The following PTPRN2 variants were observed in gnomAD, a reference collection of about 807,000 sequenced individuals.
PTPRN2 encodes receptor-type tyrosine-protein phosphatase N2.
A neutral mutation model predicts 118.8 loss-of-function variants in PTPRN2; 74 were observed. The observed-to-expected ratio is 0.62, with a 90% confidence interval of 0.52 to 0.76. The LOEUF is 0.76. PTPRN2 is among the 30% of genes least tolerant of loss of function. The probability of loss-of-function intolerance (pLI) is 0.00; values close to 1 mark genes in which losing one functional copy is unlikely to be tolerated. For synonymous variants in PTPRN2, 641 were observed against 608.0 expected, an observed-to-expected ratio of 1.05 and a Z score of -0.80; for missense variants, 1,481 against 1,394.4, an observed-to-expected ratio of 1.06 and a Z score of -0.99.
chr7:157,779,327 G>T lies in PTPRN2; in HGVS notation c.1789-96390C>A, dbSNP rs1015475913. Among the ~76,000 whole-genome samples, 1 of 152,192 alleles carries T rather than the reference G, an allele frequency of 6.6e-6. No individual in the cohort carries two copies. The highest frequency in any genetic ancestry group is 1.5e-5 in the Non-Finnish European group (1 of 68,024). On this transcript the variant is annotated intron_variant, in intron 12 of 22. Coordinates refer to ENST00000389418, the MANE Select transcript of PTPRN2 (RefSeq NM_002847.5). This position sits in a 1 kb window ranked among gnomAD's most constrained non-coding sequence, Gnocchi z 4.7. ...ACTGTTGCTACTCTTGGTGACCTGA[G>T]GTGAAAGGTCACGTGCTGGTCGCTT...
chr7:158,170,060 A>C (rs922243133), intron 5 of PTPRN2, among the ~76,000 whole-genome samples: 2 of 152,226 alleles, frequency 1.3e-5, no homozygotes, highest in African/African-American at 4.8e-5. Context: ...CAAATTGCTT[A>C]AATTTGTCCA....
At chr7:157,600,239 A>C in intron 16 of PTPRN2, among the ~76,000 whole-genome samples, 1 of 132,536 alleles carries the variant, frequency 7.5e-6, no homozygotes, top group African/African-American at 2.9e-5. Flanking sequence ...CCACCTGCCT[A>C]CCTCTCCACC....
At chr7:157,732,861 T>G (rs373768198) in intron 12 of PTPRN2, among the ~76,000 whole-genome samples, 1 of 6,296 alleles carries the variant, frequency 1.6e-4, no homozygotes, top group Non-Finnish European at 2.6e-4. Context: ...GTTACTCTTT[T>G]CCGTCCCATG....
At chr7:158,059,910 G>A (rs879036325) in intron 11 of PTPRN2, among the ~76,000 whole-genome samples, 4 of 86,594 alleles carry the variant, frequency 4.6e-5, no homozygotes, top group East Asian at 3.8e-4. Flanking sequence ...ATCTGCACAC[G>A]GTGAGACATC....
intron 11 of PTPRN2, among the ~76,000 whole-genome samples, chr7:158,002,334 G>A (rs1161945881): frequency 6.6e-6 from 1 of 152,174 alleles, no homozygotes; most frequent in African/African-American, 2.4e-5. Context: ...GACGTGTTTT[G>A]GGAGAAGGTC....
chr7:157,607,697 C>T (rs10229026), intron 15 of PTPRN2, among the ~76,000 whole-genome samples: 38,428 of 152,188 alleles, frequency 0.25, 6,209 homozygotes, highest in African/African-American at 0.45. Flanking sequence ...CTGTGAGCAA[C>T]AGGCCACGGG....
chr7:158,175,355 C>T (rs1163836384), intron 5 of PTPRN2, among the ~76,000 whole-genome samples: 5 of 152,254 alleles, frequency 3.3e-5, no homozygotes, highest in South Asian at 4.2e-4. Context: ...GCTCCGGCTC[C>T]GGCTCGTGAA....
intron 6 of PTPRN2, 145 bp downstream of exon 6, chr7:158,166,786 C>G (rs1823044100): frequency 1.8e-6 from 2 of 1,110,182 alleles, no homozygotes; most frequent in Non-Finnish European, 2.4e-6. Flanking sequence ...CCCTTCCCTA[C>G]ATGGTGCCCC....
intron 2 of PTPRN2, among the ~76,000 whole-genome samples, chr7:158,433,044 ACT>A (rs1158357189): frequency 6.6e-6 from 1 of 152,162 alleles, no homozygotes; most frequent in South Asian, 2.1e-4. Flanking sequence ...GTGGAATCAC[ACT>A]CTCTGCTCTC....
At chr7:157,718,793 G>C (rs1585299782) in intron 12 of PTPRN2, among the ~76,000 whole-genome samples, 1 of 152,240 alleles carries the variant, frequency 6.6e-6, no homozygotes, top group Admixed American at 6.5e-5. Context: ...CGTCCGCGGT[G>C]ACACTGCAGC....
chr7:158,069,546 C>T (rs984414729), intron 11 of PTPRN2, among the ~76,000 whole-genome samples: 1 of 150,620 alleles, frequency 6.6e-6, no homozygotes, highest in Non-Finnish European at 1.5e-5. Flanking sequence ...GCTCGGCCGC[C>T]ACGCCCCACC....
At chr7:157,564,388 G>A (rs916359438) in intron 21 of PTPRN2, among the ~76,000 whole-genome samples, 6 of 152,194 alleles carry the variant, frequency 3.9e-5, no homozygotes, top group Admixed American at 2.6e-4. Context: ...CAAAGTGCTG[G>A]GATTACAGGT....
chr7:157,576,323 A>C (rs886755038), intron 19 of PTPRN2, among the ~76,000 whole-genome samples: 1 of 152,202 alleles, frequency 6.6e-6, no homozygotes, highest in Admixed American at 6.5e-5. Context: ...CATACACTTT[A>C]GGCTCTTTGT....
At chr7:157,705,150 A>C (rs1224196009) in intron 12 of PTPRN2, among the ~76,000 whole-genome samples, 1 of 152,126 alleles carries the variant, frequency 6.6e-6, no homozygotes, top group East Asian at 1.9e-4. Flanking sequence ...CTAAAAATAC[A>C]AAAAAATTAG....
chr7:158,471,833 C>T (rs1459722302), intron 2 of PTPRN2, among the ~76,000 whole-genome samples: 3 of 152,266 alleles, frequency 2.0e-5, no homozygotes, highest in Non-Finnish European at 2.9e-5. Flanking sequence ...TGACAATTGG[C>T]GGGCGCCCCG....
chr7:158,210,787 C>T (rs1398622478), intron 3 of PTPRN2, among the ~76,000 whole-genome samples: 2 of 152,126 alleles, frequency 1.3e-5, no homozygotes, highest in African/African-American at 4.8e-5. Flanking sequence ...AAAACCTGAA[C>T]AGATCAATAA....
chr7:158,391,626 G>A (rs1030759985), intron 2 of PTPRN2, among the ~76,000 whole-genome samples: 3 of 152,174 alleles, frequency 2.0e-5, no homozygotes, highest in African/African-American at 7.2e-5. Context: ...TGCTGCACAT[G>A]CCCCTTGAGA....
chr7:157,802,857 G>A (rs750694889), intron 12 of PTPRN2, among the ~76,000 whole-genome samples: 12 of 152,158 alleles, frequency 7.9e-5, no homozygotes, highest in Admixed American at 1.3e-4. Flanking sequence ...TTGGCCATTT[G>A]TATGCCTTCT....
At chr7:158,033,102 G>A (rs1385981209) in intron 11 of PTPRN2, among the ~76,000 whole-genome samples, 2 of 138,188 alleles carry the variant, frequency 1.4e-5, no homozygotes, top group African/African-American at 2.8e-5. Context: ...ATGGTTTAGG[G>A]CTAGAGGCAT....
Sources: allele counts gnomAD v4.1 joint callset (sites outside exome capture counted in the v4.1 genomes callset), GRCh38; gene constraint gnomAD v4.1.1; non-coding constraint Gnocchi (gnomAD v3.1); transcripts MANE v1.5; gene names NCBI Gene and HGNC (gene_info 2026-07-23, HGNC 2026-07-21).